The following RARB variants were observed in gnomAD, a reference collection of about 807,000 sequenced individuals.
RARB encodes HBV-activated protein.
RARB carries 17 observed loss-of-function variants against 51.9 expected under a neutral mutation model. The ratio of observed to expected loss-of-function variants is 0.33; its 90% confidence interval spans 0.22 to 0.49. RARB has a LOEUF of 0.49. Among genes scored for constraint, RARB ranks in the 20% least tolerant of loss-of-function variants. RARB has a pLI of 0.99. For missense variants in RARB, 369 were observed against 550.8 expected (o/e 0.67, Z 3.30); for synonymous variants, 215 against 195.4 (o/e 1.10, Z -0.84).
chr3:25,099,598 T>A (rs777660715), intron 3 of RARB, among the ~76,000 whole-genome samples: 8 of 139,446 alleles, frequency 5.7e-5, no homozygotes, highest in Non-Finnish European at 1.1e-4. Flanking sequence ...ACCTTTCTCA[T>A]GAGTATTTTC....
chr3:25,039,489 A>T (rs559974649), intron 2 of RARB, among the ~76,000 whole-genome samples: 1 of 152,318 alleles, frequency 6.6e-6, no homozygotes, highest in East Asian at 1.9e-4. Flanking sequence ...ATGTCCCAAG[A>T]ATTAGGAAAT....
intron 2 of RARB, among the ~76,000 whole-genome samples, chr3:24,949,946 C>A (rs1695854054): frequency 6.6e-6 from 1 of 152,128 alleles, no homozygotes; most frequent in Admixed American, 6.5e-5. Context: ...ATATTTTGTA[C>A]CTTTGGATCA....
chr3:24,978,505 T>G (rs979458163), intron 2 of RARB, among the ~76,000 whole-genome samples: 1 of 152,198 alleles, frequency 6.6e-6, no homozygotes, highest in Admixed American at 6.5e-5. Flanking sequence ...GTCCAGGAAT[T>G]TATCCATTTC....
intron 5 of RARB, among the ~76,000 whole-genome samples, chr3:25,417,979 T>C (rs573911733): frequency 1.3e-5 from 2 of 152,332 alleles, no homozygotes; most frequent in South Asian, 4.1e-4. Flanking sequence ...TCTGGGTTGC[T>C]GTCCTCCTCT....
intron 2 of RARB, 90 bp from the exon 3 acceptor site, chr3:25,501,092 G>C (rs2125605748): frequency 4.2e-6 from 6 of 1,426,232 alleles, no homozygotes; most frequent in Non-Finnish European, 4.7e-6. Flanking sequence ...TACTCAAAAA[G>C]AGCAATTAAT....
intron 4 of RARB, 131 bp downstream of exon 4, chr3:25,570,049 A>AT (rs1383373498): frequency 3.8e-6 from 5 of 1,317,184 alleles, no homozygotes; most frequent in Non-Finnish European, 5.1e-6. Flanking sequence ...AGGGGCTTGC[A>AT]TGCTAGCCAG....
intron 2 of RARB, among the ~76,000 whole-genome samples, chr3:24,982,098 T>G (rs1696687971): frequency 6.6e-6 from 1 of 152,226 alleles, no homozygotes; most frequent in African/African-American, 2.4e-5. Context: ...GCCTCATCAC[T>G]GCATGCCCTG....
At chr3:25,334,380 G>A (rs1321687356) in intron 5 of RARB, among the ~76,000 whole-genome samples, 1 of 152,154 alleles carries the variant, frequency 6.6e-6, no homozygotes, top group Non-Finnish European at 1.5e-5. Context: ...TCCTTTTTAG[G>A]GACATGGATG....
chr3:25,378,487 C>A (rs1426377216), intron 5 of RARB, among the ~76,000 whole-genome samples: 2 of 152,078 alleles, frequency 1.3e-5, no homozygotes, highest in Non-Finnish European at 2.9e-5. Context: ...TCAACAACAA[C>A]AAAAAAATCT....
intron 2 of RARB, among the ~76,000 whole-genome samples, chr3:24,933,292 T>A (rs1695480054): frequency 6.6e-6 from 1 of 151,892 alleles, no homozygotes; most frequent in Non-Finnish European, 1.5e-5. Context: ...ATTTTTTTTT[T>A]ACAGATCTTC....
intron 1 of RARB, among the ~76,000 whole-genome samples, chr3:25,436,106 T>C (rs529129683): frequency 6.6e-6 from 1 of 152,228 alleles, no homozygotes; most frequent in African/African-American, 2.4e-5. Flanking sequence ...AGGGGTTTCA[T>C]ATGCTTTTTT....
At chr3:25,342,977 T>TGGC (rs1316874508) in intron 5 of RARB, among the ~76,000 whole-genome samples, 2 of 151,260 alleles carry the variant, frequency 1.3e-5, no homozygotes, top group Non-Finnish European at 2.9e-5. Context: ...GGGAAAAGTA[T>TGGC]TCATAACACA....
intron 5 of RARB, among the ~76,000 whole-genome samples, chr3:25,581,461 C>A (rs372083030): frequency 2.6e-4 from 39 of 152,080 alleles, no homozygotes; most frequent in African/African-American, 8.9e-4. Context: ...GGACTTCCAG[C>A]CTGTGGAAGA....
At chr3:25,031,332 G>A (rs1297312021) in intron 2 of RARB, among the ~76,000 whole-genome samples, 2 of 152,160 alleles carry the variant, frequency 1.3e-5, no homozygotes, top group Admixed American at 6.6e-5. Context: ...CCATAAAACT[G>A]TTAAGAAACA....
intron 2 of RARB, among the ~76,000 whole-genome samples, chr3:24,872,664 C>A (rs1702969650): frequency 1.3e-5 from 2 of 152,100 alleles, no homozygotes; most frequent in South Asian, 2.1e-4. Flanking sequence ...GGAGTGAGAA[C>A]TTCCTCATTA....
chr3:25,456,005 G>A (rs933218289), intron 1 of RARB, among the ~76,000 whole-genome samples: 2 of 152,152 alleles, frequency 1.3e-5, no homozygotes, highest in Admixed American at 1.3e-4. Flanking sequence ...TTTCCCCCTG[G>A]GAAGTCTAAA....
intron 3 of RARB, among the ~76,000 whole-genome samples, chr3:25,505,849 A>G (rs986928354): frequency 4.6e-5 from 7 of 152,188 alleles, no homozygotes; most frequent in Non-Finnish European, 8.8e-5. Flanking sequence ...AATAAAAACA[A>G]TTAATGAAAA....
At chr3:25,256,721 G>C (rs949150759) in intron 5 of RARB, among the ~76,000 whole-genome samples, 1 of 151,942 alleles carries the variant, frequency 6.6e-6, no homozygotes, top group Non-Finnish European at 1.5e-5. Context: ...GAGCAGAAAA[G>C]ATAAAGGAAA....
At chr3:24,837,757 G>T (rs1261593923) in intron 1 of RARB, among the ~76,000 whole-genome samples, 1 of 152,096 alleles carries the variant, frequency 6.6e-6, no homozygotes, top group African/African-American at 2.4e-5. Flanking sequence ...AATGATTAAT[G>T]ACAAAGTCAC....
Sources: gnomAD v4.1 joint callset for allele counts (sites outside exome capture counted in the v4.1 genomes callset) on GRCh38, gnomAD v4.1.1 for gene constraint, MANE v1.5 for transcripts, NCBI Gene and HGNC (gene_info 2026-07-23, HGNC 2026-07-21) for gene names.